The following PSMC4 variants were observed in gnomAD, a reference collection of about 807,000 sequenced individuals.
PSMC4 encodes the protein proteasome 26S subunit, ATPase 4.
PSMC4 carries 13 observed loss-of-function variants against 48.4 expected under a neutral mutation model. That is an observed-to-expected ratio of 0.27 (90% confidence interval 0.18 to 0.43). The LOEUF (loss-of-function observed/expected upper bound fraction) is 0.43, where lower values mean the gene tolerates loss of function less well. PSMC4 is among the 20% of genes least tolerant of loss of function. PSMC4 has a pLI of 1.00. For missense variants in PSMC4, 262 were observed against 555.9 expected (o/e 0.47, Z 5.32); for synonymous variants, 202 against 212.3 (o/e 0.95, Z 0.42).
rs550434366 is a variant in PSMC4 at position 39,971,182 on chromosome 19, A to G, written c.-21A>G. 6.2e-7 allele frequency: 1 copy of G among 1,613,742 alleles called. No individual in the cohort carries two copies. Among genetic ancestry groups the G allele is most frequent in the African/African-American group, 1.3e-5 (1 of 74,894 alleles). On this transcript the variant is annotated 5_prime_UTR_variant, in exon 1 of 11. Coordinates refer to ENST00000157812, the MANE Select transcript of PSMC4 (RefSeq NM_006503.4). ...GCGGTGACAGATCATCCCAGGCCAC[A>G]CAGAGGCCGGCTTGGTCACTATGGA...
At chr19:39,978,341 C>G (rs1021062421) in intron 6 of PSMC4, among the ~76,000 whole-genome samples, 7 of 152,016 alleles carry the variant, frequency 4.6e-5, no homozygotes, top group African/African-American at 1.7e-4. Context: ...TAAGGCAATT[C>G]CAGGGATGGG....
At position 39,974,719 on chromosome 19, in the gene PSMC4, T is replaced by C; in HGVS notation, c.580-16T>C. On this transcript the variant is annotated splice_polypyrimidine_tract_variant and intron_variant, in intron 5 of 10. Transcript: ENST00000157812. The surrounding 1 kb of genome is among the most constrained non-coding windows in gnomAD (Gnocchi z 5.5). The stretch of plus-strand genomic sequence containing the variant: ...AACCCCTGACTCCCACTTCTCTTCC[T>C]TCCTCTGGGTTTCAGATCGGCATCG... 1 of 1,613,730 alleles carries C rather than the reference T, an allele frequency of 6.2e-7. No individual in the cohort carries two copies. The highest frequency in any genetic ancestry group is 8.5e-7 in the Non-Finnish European group (1 of 1,179,638).
intron 6 of PSMC4, among the ~76,000 whole-genome samples, chr19:39,975,653 A>C (rs994643563): frequency 1.3e-5 from 2 of 152,138 alleles, no homozygotes; most frequent in Admixed American, 6.6e-5. Context: ...TCTGTGACTC[A>C]GTTTCCTCAC....
Position 39,972,223 on chromosome 19 carries a change from G to A in PSMC4, c.114G>A (p.Glu38=), listed in dbSNP as rs1471451056. The change falls in exon 2 of 11, where the codon GAG becomes GAA. Residue 38 remains glutamate, a synonymous_variant. Transcript: ENST00000157812. ...SFLGPEPEDL[E]DLYSRYKKLQ... Reference sequence around the variant, plus strand: ...TGGGCCCTGAGCCTGAGGACCTGGAGGACCTGTACAGCCGCTACAAGGTAC... The same window carrying A: ...TGGGCCCTGAGCCTGAGGACCTGGAAGACCTGTACAGCCGCTACAAGGTAC... 2 of 1,613,938 alleles carry A rather than the reference G, an allele frequency of 1.2e-6. No homozygotes were observed. The highest frequency in any genetic ancestry group is 1.7e-5 in the Admixed American group (1 of 59,996).
intron 1 of PSMC4, 24 bp downstream of exon 1, chr19:39,971,262 T>C: frequency 6.2e-7 from 1 of 1,613,996 alleles, no homozygotes; most frequent in Non-Finnish European, 8.5e-7. Context: ...TTGGGCTTTT[T>C]AGTCCGGGCC....
chr19:39,981,155 C>G, intron 10 of PSMC4, 37 bp from the exon 11 acceptor site: 1 of 1,524,884 alleles, frequency 6.6e-7, no homozygotes, highest in South Asian at 1.1e-5. Context: ...CTGTGCCCTG[C>G]CACAGGAAGT....
intron 1 of PSMC4, among the ~76,000 whole-genome samples, 179 bp from the exon 2 acceptor site, chr19:39,971,953 GTTGACATAAAGAGC>G (rs1283097799): frequency 6.6e-6 from 1 of 152,166 alleles, no homozygotes; most frequent in African/African-American, 2.4e-5. Flanking sequence ...TGAGGGGCAA[GTTGACATAAAGAGC>G]TTGTTTAGGT....
At position 39,980,793 on chromosome 19, in the gene PSMC4, T is replaced by A. The variant is rs746262816; in HGVS notation, c.1143+76T>A. The stretch of plus-strand genomic sequence containing the variant: ...TCTTCTCTGAACCACTCTGCTGCAG[T>A]CCTGTCCCCTCATGGCTGCCCTGGG... On this transcript the variant is annotated intron_variant, in intron 10 of 10. Coordinates refer to ENST00000157812, the MANE Select transcript of PSMC4 (RefSeq NM_006503.4). This position sits in a 1 kb window ranked among gnomAD's most constrained non-coding sequence, Gnocchi z 4.8. 1.8e-4 allele frequency: 259 copies of A among 1,435,622 alleles called. 1 individual carries two copies. Among genetic ancestry groups the A allele is most frequent in the Admixed American group, 2.5e-4 (15 of 59,662 alleles). 88.9% of individuals were successfully genotyped at this position (1,435,622 alleles called of 1,614,324 possible). A position where few individuals can be genotyped will look rare whatever the true frequency, so the allele number is the denominator to read the frequency against.
chr19:39,972,076 A>G, intron 1 of PSMC4, 70 bp from the exon 2 acceptor site: 3 of 1,417,486 alleles, frequency 2.1e-6, no homozygotes, highest in East Asian at 2.3e-5. Flanking sequence ...GGGAACAAAC[A>G]TTAGTGAAGT....
Position 39,972,690 on chromosome 19 carries a change from A to AATAC in PSMC4, c.322+143_322+146dup, listed in dbSNP as rs553679278. ...GTATTTTGACTGATCGAAAGGTAGAAATACATACATATATATATATATACA... is the reference window on the plus strand; with the variant it reads ...GTATTTTGACTGATCGAAAGGTAGAAATACATACATACATATATATATATATACA... On this transcript the variant is annotated intron_variant, in intron 3 of 10. Coordinates refer to ENST00000157812, the MANE Select transcript of PSMC4 (RefSeq NM_006503.4). 1.1e-4 allele frequency: 64 copies of AATAC among 588,242 alleles called. 1 individual carries two copies. The highest frequency in any genetic ancestry group is 1.1e-4 in the Non-Finnish European group (39 of 343,490). The allele number at this position is 588,242 out of a possible 1,614,324, so 36.4% of individuals were successfully genotyped here.
At position 39,981,183 on chromosome 19, in the gene PSMC4, C is replaced by T. The variant is rs1211969109; in HGVS notation, c.1144-9C>T. On this transcript the variant is annotated splice_polypyrimidine_tract_variant and intron_variant, in intron 10 of 10. Transcript: ENST00000157812. ...CAGGAAGTAGATTTTAACTCTCATC[C>T]TTCAACAGAGTGGAATGTTGGCTGT... The T allele has an allele frequency of 6.2e-7, 1 of 1,609,244 alleles. No individual in the cohort carries two copies. The highest frequency in any genetic ancestry group is 1.1e-5 in the South Asian group (1 of 90,948).
chr19:39,980,617 C>T lies in PSMC4; in HGVS notation c.1088-45C>T, dbSNP rs777706805. Reference sequence around the variant, plus strand: ...GCCAAAGATGACTTCCAGCCCCAGGCATTTACCCCATCACACAGGGAATAG... The same window carrying T: ...GCCAAAGATGACTTCCAGCCCCAGGTATTTACCCCATCACACAGGGAATAG... On this transcript the variant is annotated intron_variant, in intron 9 of 10. Transcript: ENST00000157812. This position sits in a 1 kb window ranked among gnomAD's most constrained non-coding sequence, Gnocchi z 4.8. 5.0e-5 allele frequency: 81 copies of T among 1,607,032 alleles called. No homozygotes were observed. Among genetic ancestry groups the T allele is most frequent in the Non-Finnish European group, 6.6e-5 (77 of 1,173,812 alleles).
At position 39,980,505 on chromosome 19, in the gene PSMC4, G is replaced by T. The variant is rs370953179; in HGVS notation, c.1087+51G>T. The T allele has an allele frequency of 1.7e-5, 27 of 1,605,458 alleles. No homozygotes were observed. The highest frequency in any genetic ancestry group is 2.2e-5 in the Non-Finnish European group (26 of 1,173,080). On this transcript the variant is annotated intron_variant, in intron 9 of 10. Transcript: ENST00000157812. This position sits in a 1 kb window ranked among gnomAD's most constrained non-coding sequence, Gnocchi z 4.8. ...GGGCCCTAGTTGGGAACGGGGATTAGATCTTCAGCTCAACTTCTGCCAGCA... is the reference window on the plus strand; with the variant it reads ...GGGCCCTAGTTGGGAACGGGGATTATATCTTCAGCTCAACTTCTGCCAGCA...
At position 39,974,524 on chromosome 19, in the gene PSMC4, A is replaced by G. The variant is rs1396812510; in HGVS notation, c.470A>G (p.Asp157Gly). 1 of 1,614,016 alleles carries G rather than the reference A, an allele frequency of 6.2e-7. No individual in the cohort carries two copies. Among genetic ancestry groups the G allele is most frequent in the South Asian group, 1.1e-5 (1 of 91,074 alleles). Reference sequence around the variant, plus strand: ...AGCCCCAGCTCTGCTCTCCCACCAGACCAGAAGCCAGATGTGATGTACGCG... The same window carrying G: ...AGCCCCAGCTCTGCTCTCCCACCAGGCCAGAAGCCAGATGTGATGTACGCG... ...ADSSIMMLTS[D>G]QKPDVMYADI... Residue 157 changes from aspartate (D) to glycine (G), a missense_variant and splice_region_variant, in exon 5 of 11, where the codon GAC becomes GGC. Asp to Gly is a moderately conservative substitution (Grantham distance 94). Around this residue, in one of 4 missense-constraint regions of PSMC4, gnomAD observed 131 missense variants for 276.7 expected, o/e 0.47. Coordinates refer to ENST00000157812, the MANE Select transcript of PSMC4 (RefSeq NM_006503.4). The surrounding 1 kb of genome is among the most constrained non-coding windows in gnomAD (Gnocchi z 5.5).
At position 39,980,747 on chromosome 19, in the gene PSMC4, C is replaced by T; in HGVS notation, c.1143+30C>T. 2 of 1,607,084 alleles carry T rather than the reference C, an allele frequency of 1.2e-6. No homozygotes were observed. Among genetic ancestry groups the T allele is most frequent in the Non-Finnish European group, 1.7e-6 (2 of 1,173,698 alleles). ...GTGGTGGTTTCTCTCTGGATCCAGG[C>T]AGCGGGTGTGTGAGGACCCTTCTTC... On this transcript the variant is annotated intron_variant, in intron 10 of 10. Transcript: ENST00000157812. The surrounding 1 kb of genome is among the most constrained non-coding windows in gnomAD (Gnocchi z 4.8).
chr19:39,972,264 C>T lies in PSMC4; in HGVS notation c.135+20C>T. Reference sequence around the variant, plus strand: ...TACAAGGTACATTCGACCCCCAACCCAGACCTTGCACAGGACCTGACATCT... The same window carrying T: ...TACAAGGTACATTCGACCCCCAACCTAGACCTTGCACAGGACCTGACATCT... On this transcript the variant is annotated intron_variant, in intron 2 of 10. Coordinates refer to ENST00000157812, the MANE Select transcript of PSMC4 (RefSeq NM_006503.4). The T allele has an allele frequency of 6.2e-7, 1 of 1,612,166 alleles. No homozygotes were observed. Among genetic ancestry groups the T allele is most frequent in the Non-Finnish European group, 8.5e-7 (1 of 1,178,490 alleles).
chr19:39,972,008 G>T, intron 1 of PSMC4, 138 bp from the exon 2 acceptor site: 6 of 763,706 alleles, frequency 7.9e-6, no homozygotes, highest in Non-Finnish European at 1.3e-5. Context: ...CTATTTAGAG[G>T]GTCTTAAGAT....
chr19:39,973,411 C>T (rs1466818060), intron 3 of PSMC4, among the ~76,000 whole-genome samples: 7 of 151,842 alleles, frequency 4.6e-5, no homozygotes, highest in Non-Finnish European at 8.8e-5. Flanking sequence ...TGGCAAAACC[C>T]CGTCTCTACT....
Position 39,974,509 on chromosome 19 carries a change from C to T in PSMC4, c.470-15C>T. ...GAGGACCTGGCCAGGAGCCCCAGCTCTGCTCTCCCACCAGACCAGAAGCCA... is the reference window on the plus strand; with the variant it reads ...GAGGACCTGGCCAGGAGCCCCAGCTTTGCTCTCCCACCAGACCAGAAGCCA... On this transcript the variant is annotated splice_polypyrimidine_tract_variant and intron_variant, in intron 4 of 10. Coordinates refer to ENST00000157812, the MANE Select transcript of PSMC4 (RefSeq NM_006503.4). This position sits in a 1 kb window ranked among gnomAD's most constrained non-coding sequence, Gnocchi z 5.5. 6.2e-7 allele frequency: 1 copy of T among 1,613,748 alleles called. No homozygotes were observed. Among genetic ancestry groups the T allele is most frequent in the Non-Finnish European group, 8.5e-7 (1 of 1,179,722 alleles).
Sources: allele counts gnomAD v4.1 joint callset (sites outside exome capture counted in the v4.1 genomes callset), GRCh38; gene constraint gnomAD v4.1.1; regional missense constraint gnomAD v4.1.1; non-coding constraint Gnocchi (gnomAD v3.1); transcripts MANE v1.5; gene names NCBI Gene and HGNC (gene_info 2026-07-23, HGNC 2026-07-21).